NRN1: variants seen among roughly 807,000 people sequenced by gnomAD.
NRN1 encodes the protein neuritin 1.
In NRN1, 4 loss-of-function variants were observed where a neutral mutation model predicts 15.0. The observed-to-expected ratio is 0.27, with a 90% CI of 0.13 to 0.61. The LOEUF (loss-of-function observed/expected upper bound fraction) is 0.61. NRN1 is among the 20% of genes least tolerant of loss of function. The pLI is 0.87. For missense variants in NRN1, 134 were observed against 181.9 expected, an observed-to-expected ratio of 0.74 and a Z score of 1.51; for synonymous variants, 85 against 79.8, an observed-to-expected ratio of 1.07 and a Z score of -0.35.
At chr6:6,002,844 TTC>T (rs1303551386) in intron 1 of NRN1, 5 of 380,496 alleles carry the variant, frequency 1.3e-5, no homozygotes, top group Non-Finnish European at 2.4e-5. Flanking sequence ...TCCCTTTTAT[TTC>T]TCTTTCTCCT....
intron 2 of NRN1, among the ~76,000 whole-genome samples, chr6:6,000,722 CTT>C (rs55712329): frequency 0.016 from 974 of 60,810 alleles, 11 homozygotes; most frequent in African/African-American, 0.041. Flanking sequence ...CTAAATTGCT[CTT>C]TTTTTTTTTT....
At chr6:6,006,566 A>G (rs1582995721) in intron 1 of NRN1, 129 bp downstream of exon 1, 1 of 793,280 alleles carries the variant, frequency 1.3e-6, no homozygotes, top group East Asian at 2.5e-5. Flanking sequence ...TGATGCCCCC[A>G]CCCTCGGGGG....
At chr6:6,003,938 G>A in intron 1 of NRN1, 1 of 1,228,070 alleles carries the variant, frequency 8.1e-7, no homozygotes, top group Non-Finnish European at 1.0e-6. Context: ...GCTTGTGTGT[G>A]AATGTGTCCC....
chr6:5,999,018 C>A lies in NRN1; in HGVS notation c.387G>T (p.Leu129=). ...TCGCTAAAGCTGCCGAGAGAGACAC[C>A]AGGAGCACCGGGAACGCCGGGAGCA... ...GSLLPAFPVL[L]VSLSAALATW... Residue 129 remains leucine (L), a synonymous_variant, in exon 3 of 3, where the codon CTG becomes CTT. Transcript: ENST00000244766. The A allele has an allele frequency of 6.2e-7, 1 of 1,613,432 alleles. No homozygotes were observed. The highest frequency in any genetic ancestry group is 8.5e-7 in the Non-Finnish European group (1 of 1,179,760).
At chr6:6,003,580 G>T in intron 1 of NRN1, 2 of 639,856 alleles carry the variant, frequency 3.1e-6, no homozygotes, top group Non-Finnish European at 4.4e-6. Flanking sequence ...GATAAAAGCT[G>T]AGCGGCGGGA....
At chr6:6,004,686 A>G (rs184356723) in intron 1 of NRN1, among the ~76,000 whole-genome samples, 32 of 152,220 alleles carry the variant, frequency 2.1e-4, no homozygotes, top group South Asian at 1.0e-3. Context: ...CGCGGGACGG[A>G]TTTTGCAGGC....
Position 6,006,777 on chromosome 6 carries a change from C to G in NRN1, c.-28G>C. On this transcript the variant is annotated 5_prime_UTR_variant, in exon 1 of 3. Coordinates refer to ENST00000244766, the MANE Select transcript of NRN1 (RefSeq NM_016588.3). ...TACGTTTAGTCAAACCATTTGCGAC[C>G]GCAGACCTTTAAATAGTTAGTTTAG... The G allele has an allele frequency of 6.2e-7, 1 of 1,611,570 alleles. No homozygotes were observed. Among genetic ancestry groups the G allele is most frequent in the Non-Finnish European group, 8.5e-7 (1 of 1,177,684 alleles).
chr6:5,998,969 C>T lies in NRN1; in HGVS notation c.*7G>A, dbSNP rs769675402. Reference sequence around the variant, plus strand: ...GGGTGGGCGCGCGGGGGGAGCTGGCCCCACGCTCAGAAGGAAAGCCAGGTC... The same window carrying T: ...GGGTGGGCGCGCGGGGGGAGCTGGCTCCACGCTCAGAAGGAAAGCCAGGTC... On this transcript the variant is annotated 3_prime_UTR_variant, in exon 3 of 3. Coordinates refer to ENST00000244766, the MANE Select transcript of NRN1 (RefSeq NM_016588.3). 5 of 1,603,686 alleles carry T rather than the reference C, an allele frequency of 3.1e-6. No homozygotes were observed. The Admixed American group carries it at 6.8e-5, about 22-fold the overall frequency.
In NRN1 at chr6:6,003,779, G is replaced by C. The variant is rs1266110320; in HGVS notation, c.56-1282C>G. The C allele has an allele frequency of 1.1e-5, 14 of 1,234,022 alleles. No homozygotes were observed. In the East Asian group the frequency reaches 4.4e-4, roughly 39 times the overall value. 76.4% of individuals were successfully genotyped at this position (1,234,022 alleles called of 1,614,324 possible). ...AACCCGGCTGGAAGCTGAGTGCCTA[G>C]CGGCCCAAAGCAGCCCGGGCGCCGG... On this transcript the variant is annotated intron_variant, in intron 1 of 2. Coordinates refer to ENST00000244766, the MANE Select transcript of NRN1 (RefSeq NM_016588.3).
chr6:6,000,722 C>CTTTTTT lies in NRN1; in HGVS notation c.201-1524_201-1519dup, dbSNP rs55712329. 1.1e-3 allele frequency among the ~76,000 whole-genome samples: 68 copies of CTTTTTT among 60,858 alleles called. 6 individuals are homozygous for CTTTTTT. The highest frequency in any genetic ancestry group is 2.9e-3 in the African/African-American group (43 of 14,970). The allele number at this position is 60,858 out of a possible 152,430, so 39.9% of individuals were successfully genotyped here. On this transcript the variant is annotated intron_variant, in intron 2 of 2. Transcript: ENST00000244766. ...CCTGCTAAAGGATGCCTAAATTGCT[C>CTTTTTT]TTTTTTTTTTTTTTTTTTTTTTTTT...
intron 2 of NRN1, among the ~76,000 whole-genome samples, 199 bp downstream of exon 2, chr6:6,002,154 T>G (rs923807684): frequency 1.1e-4 from 16 of 152,224 alleles, no homozygotes; most frequent in Non-Finnish European, 2.2e-4. Context: ...CACCCCGGGC[T>G]GTGGGATCCC....
intron 2 of NRN1, 122 bp downstream of exon 2, chr6:6,002,231 G>T: frequency 7.7e-7 from 1 of 1,290,416 alleles, no homozygotes; most frequent in Non-Finnish European, 1.1e-6. Context: ...CAGAAGGCAA[G>T]AGTGAGCCGA....
upstream of NRN1, chr6:6,006,930 A>C (rs1422352574): frequency 8.1e-6 from 2 of 247,228 alleles, no homozygotes; most frequent in East Asian, 2.5e-4. Flanking sequence ...AAAGAGAGAG[A>C]GAGAGAGAAA....
rs55712329 is a variant in NRN1, at chr6:6,000,722, CT to C, written c.201-1519del. Among the ~76,000 whole-genome samples the C allele has an allele frequency of 8.1e-3, 492 of 60,814 alleles. 5 individuals carry two copies. The highest frequency in any genetic ancestry group is 0.026 in the South Asian group (34 of 1,312). The allele number at this position is 60,814 out of a possible 152,430, so 39.9% of individuals were successfully genotyped here. On this transcript the variant is annotated intron_variant, in intron 2 of 2. Transcript: ENST00000244766. The stretch of plus-strand genomic sequence containing the variant: ...CCTGCTAAAGGATGCCTAAATTGCT[CT>C]TTTTTTTTTTTTTTTTTTTTTTTTT...
At chr6:6,004,703 G>T (rs971052132) in intron 1 of NRN1, among the ~76,000 whole-genome samples, 23 of 152,186 alleles carry the variant, frequency 1.5e-4, no homozygotes, top group Admixed American at 3.9e-4. Context: ...AGGCGCACGC[G>T]TCCCAGCAGG....
chr6:6,007,016 T>G, upstream of NRN1: 6 of 423,036 alleles, frequency 1.4e-5, no homozygotes, highest in African/African-American at 2.2e-5. Context: ...GCGGAGGAAG[T>G]ACAGCCTCAC....
At position 5,998,709 on chromosome 6, in the gene NRN1, T is replaced by C. The variant is rs1767519728; in HGVS notation, c.*267A>G. On this transcript the variant is annotated 3_prime_UTR_variant, in exon 3 of 3. Transcript: ENST00000244766. ...ATTAAAAAATGGGGTGGGTTTGCCG[T>C]TTTCTTATTTGTGTGTGAAGACGGA... The C allele has an allele frequency of 2.8e-6, 1 of 352,892 alleles. No homozygotes were observed. The allele number at this position is 352,892 out of a possible 1,614,324, so 21.9% of individuals were successfully genotyped here.
chr6:6,006,602 G>A (rs1384952892), intron 1 of NRN1, 93 bp downstream of exon 1: 4 of 1,211,764 alleles, frequency 3.3e-6, no homozygotes, highest in African/African-American at 3.0e-5. Flanking sequence ...GCACCCTGGG[G>A]CGGCCGCGGA....
intron 2 of NRN1, among the ~76,000 whole-genome samples, chr6:6,000,532 G>C (rs1582990922): frequency 6.6e-6 from 1 of 151,934 alleles, no homozygotes; most frequent in African/African-American, 2.4e-5. Context: ...TCCTTCTGCT[G>C]GCTGGCCTGG....
Sources: allele counts gnomAD v4.1 joint callset (sites outside exome capture counted in the v4.1 genomes callset), GRCh38; gene constraint gnomAD v4.1.1; transcripts MANE v1.5; gene names NCBI Gene and HGNC (gene_info 2026-07-23, HGNC 2026-07-21).